The following SAMSN1 variants were observed in gnomAD, a reference collection of about 807,000 sequenced individuals.
SAMSN1 encodes SAM domain, SH3 domain and nuclear localization signals 1, also known as SAM domain-containing protein SAMSN-1.
A neutral mutation model predicts 42.0 loss-of-function variants in SAMSN1; 31 were observed. The ratio of observed to expected loss-of-function variants is 0.74; its 90% CI spans 0.55 to 1.00. SAMSN1 has a LOEUF of 1.00. SAMSN1 is among the 50% of genes least tolerant of loss of function. SAMSN1 has a pLI of 0.00. For synonymous variants in SAMSN1, 178 were observed against 151.9 expected, an observed-to-expected ratio of 1.17 and a Z score of -1.26; for missense variants, 464 against 439.4, an observed-to-expected ratio of 1.06 and a Z score of -0.50.
intron 2 of SAMSN1, among the ~76,000 whole-genome samples, chr21:14,553,140 T>A (rs1980653857): frequency 6.6e-6 from 1 of 152,106 alleles, no homozygotes; most frequent in South Asian, 2.1e-4. Flanking sequence ...ATTCCTTTTT[T>A]TATCCTTGAG....
At chr21:14,646,305 A>G (rs918043987) in intron 1 of SAMSN1, among the ~76,000 whole-genome samples, 6 of 152,224 alleles carry the variant, frequency 3.9e-5, no homozygotes, top group African/African-American at 1.2e-4. Context: ...TTGAGCGCCT[A>G]TATGTCCGGC....
At chr21:14,572,659 A>G (rs1371351130) in intron 2 of SAMSN1, among the ~76,000 whole-genome samples, 1 of 152,188 alleles carries the variant, frequency 6.6e-6, no homozygotes, top group Non-Finnish European at 1.5e-5. Flanking sequence ...AGAAGAGCAA[A>G]TGTGAGAAAA....
At chr21:14,604,553 C>CA (rs1016061569) in intron 5 of SAMSN1, among the ~76,000 whole-genome samples, 8 of 151,590 alleles carry the variant, frequency 5.3e-5, no homozygotes, top group African/African-American at 1.2e-4. Flanking sequence ...TCTCAAAAAG[C>CA]AAAAAAACAA....
chr21:14,626,227 T>C lies in SAMSN1; in HGVS notation c.157-10211A>G, dbSNP rs1198756388. On this transcript the variant is annotated intron_variant, in intron 2 of 15. Transcript: ENST00000647101. ...TCAGGACATAGGCATGGGCAAGGACTTCATGTCTAAAATACCAAAAGCAAT... is the reference window on the plus strand; with the variant it reads ...TCAGGACATAGGCATGGGCAAGGACCTCATGTCTAAAATACCAAAAGCAAT... Among the ~76,000 whole-genome samples, 3 of 152,274 alleles carry C rather than the reference T, an allele frequency of 2.0e-5. No individual in the cohort carries two copies. In the East Asian group the frequency reaches 5.8e-4, roughly 29 times the overall value.
intron 5 of SAMSN1, among the ~76,000 whole-genome samples, chr21:14,603,601 T>A (rs1290069988): frequency 1.3e-5 from 2 of 152,122 alleles, no homozygotes; most frequent in African/African-American, 4.8e-5. Context: ...TTGAGGCTGG[T>A]TAGGCCAGAG....
At chr21:14,604,927 TG>T (rs1982525746) in intron 5 of SAMSN1, among the ~76,000 whole-genome samples, 1 of 152,248 alleles carries the variant, frequency 6.6e-6, no homozygotes, top group Non-Finnish European at 1.5e-5. Context: ...TCTGCAAGTG[TG>T]TGAGCCTAAT....
Position 14,643,235 on chromosome 21 carries a change from A to T in SAMSN1, c.25-102T>A. ...CACCTTTATATAGTACTTTATTTAA[A>T]TTATCCTGGGCATAGGGATTAAGAG... On this transcript the variant is annotated intron_variant, in intron 1 of 15. Transcript: ENST00000647101. 9.5e-6 allele frequency: 6 copies of T among 629,920 alleles called. No individual in the cohort carries two copies. The South Asian group carries it at 1.2e-4, about 12-fold the overall frequency. The allele number at this position is 629,920 out of a possible 1,614,324, so 39.0% of individuals were successfully genotyped here.
intron 7 of SAMSN1, among the ~76,000 whole-genome samples, chr21:14,490,091 CT>C (rs1474141320): frequency 6.6e-6 from 1 of 152,164 alleles, no homozygotes; most frequent in Non-Finnish European, 1.5e-5. Flanking sequence ...TCCCAGATTT[CT>C]TTGCCCAAAT....
At chr21:14,618,073 T>A (rs1423619769) in intron 2 of SAMSN1, among the ~76,000 whole-genome samples, 1 of 152,234 alleles carries the variant, frequency 6.6e-6, no homozygotes, top group African/African-American at 2.4e-5. Context: ...AGAGATTGGT[T>A]ACTTTTACTA....
intron 2 of SAMSN1, among the ~76,000 whole-genome samples, chr21:14,558,581 T>G (rs1980839454): frequency 6.6e-6 from 1 of 152,002 alleles, no homozygotes; most frequent in Admixed American, 6.6e-5. Context: ...CTCGGGAGGC[T>G]GAAGCAGGAG....
At chr21:14,532,369 TG>T (rs1211048154) in intron 1 of SAMSN1, among the ~76,000 whole-genome samples, 5 of 152,154 alleles carry the variant, frequency 3.3e-5, no homozygotes, top group Admixed American at 1.3e-4. Context: ...CATGTTTATG[TG>T]GGGGCAAATA....
chr21:14,615,877 A>T (rs1982823430), intron 3 of SAMSN1: 1 of 377,370 alleles, frequency 2.6e-6, no homozygotes, highest in African/African-American at 2.1e-5. Context: ...AAAAAAAAAA[A>T]AAAAAAAAAA....
intron 7 of SAMSN1, among the ~76,000 whole-genome samples, chr21:14,494,166 T>C: frequency 6.6e-6 from 1 of 152,154 alleles, no homozygotes; most frequent in Admixed American, 6.5e-5. Flanking sequence ...CCCTCACAGA[T>C]CTAGAACCAG....
In SAMSN1 at chr21:14,608,000, C is replaced by T. The variant is rs566408709; in HGVS notation, c.322+1482G>A. On this transcript the variant is annotated intron_variant, in intron 5 of 15. Transcript: ENST00000647101. The stretch of plus-strand genomic sequence containing the variant: ...GGTGTGGATGCATATAGCTGGCATC[C>T]ATGTGGTAAAGACAGAGTCCAATCC... 1.4e-4 allele frequency among the ~76,000 whole-genome samples: 22 copies of T among 152,264 alleles called. No homozygotes were observed. In the South Asian group the frequency reaches 4.4e-3, roughly 30 times the overall value.
chr21:14,596,420 T>A lies in SAMSN1; in HGVS notation c.400-2342A>T, dbSNP rs1403047996. Among the ~76,000 whole-genome samples, 19 of 152,270 alleles carry A rather than the reference T, an allele frequency of 1.2e-4. No individual in the cohort carries two copies. The East Asian group carries it at 3.7e-3, about 29-fold the overall frequency. ...AAATACTATTAGGTAGTTCTAGTGGTTTTAAAATACACTCACAAATTCTTT... is the reference window on the plus strand; with the variant it reads ...AAATACTATTAGGTAGTTCTAGTGGATTTAAAATACACTCACAAATTCTTT... On this transcript the variant is annotated intron_variant, in intron 6 of 15. Transcript: ENST00000647101.
intron 5 of SAMSN1, among the ~76,000 whole-genome samples, chr21:14,504,733 A>C (rs546860364): frequency 6.6e-6 from 1 of 152,366 alleles, no homozygotes; most frequent in African/African-American, 2.4e-5. Flanking sequence ...CTAGACATCC[A>C]AATACAAGAA....
chr21:14,491,184 A>C (rs899127585), intron 7 of SAMSN1, among the ~76,000 whole-genome samples: 1 of 152,218 alleles, frequency 6.6e-6, no homozygotes, highest in African/African-American at 2.4e-5. Context: ...ACATTACCCC[A>C]AAATATGCTG....
intron 3 of SAMSN1, among the ~76,000 whole-genome samples, chr21:14,514,463 A>G (rs1462878589): frequency 6.6e-6 from 1 of 152,194 alleles, no homozygotes; most frequent in Non-Finnish European, 1.5e-5. Context: ...GAAAGAATAA[A>G]AAGAATGGAA....
intron 7 of SAMSN1, chr21:14,593,793 A>G (rs1982164277): frequency 5.7e-6 from 2 of 351,516 alleles, no homozygotes; most frequent in Non-Finnish European, 1.0e-5. Flanking sequence ...TTATATAACA[A>G]CCTTTCCTTC....
Sources: gnomAD v4.1 joint callset for allele counts (sites outside exome capture counted in the v4.1 genomes callset) on GRCh38, gnomAD v4.1.1 for gene constraint, MANE v1.5 for transcripts, NCBI Gene and HGNC (gene_info 2026-07-23, HGNC 2026-07-21) for gene names.